Variants in SYNE3 observed in about 807,000 individuals in gnomAD.
The protein encoded by SYNE3 is nesprin-3.
SYNE3 carries 100 observed loss-of-function variants against 111.2 expected under a neutral mutation model. That is an observed-to-expected ratio of 0.90 (90% CI 0.77 to 1.06). The LOEUF (loss-of-function observed/expected upper bound fraction) is 1.06. SYNE3 is among the 50% of genes least tolerant of loss of function. The pLI is 0.00. For synonymous variants in SYNE3, 547 were observed against 533.9 expected (o/e 1.02, Z -0.34); for missense variants, 1,160 against 1,240.3 (o/e 0.94, Z 0.97).
chr14:95,439,032 C>T lies in SYNE3; in HGVS notation c.2376+1G>A, dbSNP rs925944304. Reference sequence around the variant, plus strand: ...CCCACAGCCCTGCTAGACAGACTCACGCGTCGACGATGCCTGGGAATAGGA... The same window carrying T: ...CCCACAGCCCTGCTAGACAGACTCATGCGTCGACGATGCCTGGGAATAGGA... On this transcript the variant is annotated splice_donor_variant, in intron 14 of 17. Transcript: ENST00000682763. LOFTEE classifies it high-confidence loss of function. 18 of 1,613,910 alleles carry T rather than the reference C, an allele frequency of 1.1e-5. No homozygotes were observed. Among genetic ancestry groups the T allele is most frequent in the African/African-American group, 2.7e-5 (2 of 74,946 alleles).
At chr14:95,427,902 T>G (rs1421480496) in intron 17 of SYNE3, among the ~76,000 whole-genome samples, 1 of 152,192 alleles carries the variant, frequency 6.6e-6, no homozygotes, top group Non-Finnish European at 1.5e-5. Flanking sequence ...TCCCTACAAA[T>G]TTTGAGAGAA....
chr14:95,473,286 G>A (rs1409862413), intron 2 of SYNE3, among the ~76,000 whole-genome samples: 1 of 152,012 alleles, frequency 6.6e-6, no homozygotes, highest in African/African-American at 2.4e-5. Flanking sequence ...CTGCCAATGT[G>A]TCTTCCTAAG....
At chr14:95,431,927 C>T (rs993531813) in intron 17 of SYNE3, 152 bp downstream of exon 17, 6 of 895,400 alleles carry the variant, frequency 6.7e-6, no homozygotes, top group Non-Finnish European at 8.3e-6. Flanking sequence ...GGGCCCAGCA[C>T]AGCGCAGCCC....
intron 5 of SYNE3, 27 bp downstream of exon 5, chr14:95,457,150 T>G (rs1887502108): frequency 1.2e-6 from 2 of 1,606,888 alleles, no homozygotes; most frequent in Non-Finnish European, 1.7e-6. Flanking sequence ...CTAGGGTCCC[T>G]CTGGTTGAGA....
chr14:95,465,644 C>A (rs1302230165), intron 4 of SYNE3, among the ~76,000 whole-genome samples: 5 of 151,658 alleles, frequency 3.3e-5, no homozygotes, highest in African/African-American at 1.2e-4. Flanking sequence ...TGGGAGAATA[C>A]ATGGATGAAC....
intron 4 of SYNE3, among the ~76,000 whole-genome samples, chr14:95,461,762 G>A (rs1457161721): frequency 6.6e-6 from 1 of 152,258 alleles, no homozygotes; most frequent in Non-Finnish European, 1.5e-5. Flanking sequence ...AACCATCGCT[G>A]GAGTCAGACG....
intron 1 of SYNE3, among the ~76,000 whole-genome samples, chr14:95,495,232 A>G (rs1890038288): frequency 6.6e-6 from 1 of 152,250 alleles, no homozygotes; most frequent in Non-Finnish European, 1.5e-5. Context: ...AGCAGCCTCC[A>G]TTCCTTCCAA....
intron 17 of SYNE3, among the ~76,000 whole-genome samples, chr14:95,428,518 C>A (rs1299285285): frequency 6.6e-6 from 1 of 152,176 alleles, no homozygotes; most frequent in Admixed American, 6.5e-5. Context: ...ATTCCAAGAG[C>A]CCACATATGA....
intron 1 of SYNE3, among the ~76,000 whole-genome samples, chr14:95,506,436 C>T (rs192027831): frequency 2.6e-4 from 39 of 152,364 alleles, no homozygotes; most frequent in Admixed American, 2.2e-3. Flanking sequence ...TCTGTGCACA[C>T]GGGCGCAGGC....
rs1888483785 is a variant in SYNE3, at chr14:95,470,819, ATGG to A, written c.145-2855_145-2853del. ...CTGAAAATACAAAAATTAGCCGGGC[ATGG>A]TGGCGCACACCTGTGATCCTAGCTA... On this transcript the variant is annotated intron_variant, in intron 2 of 17. Coordinates refer to ENST00000682763, the MANE Select transcript of SYNE3 (RefSeq NM_152592.6). This position sits in a 1 kb window ranked among gnomAD's most constrained non-coding sequence, Gnocchi z 4.2. Among the ~76,000 whole-genome samples the A allele has an allele frequency of 6.6e-6, 1 of 151,998 alleles. No homozygotes were observed. Among genetic ancestry groups the A allele is most frequent in the South Asian group, 2.1e-4 (1 of 4,820 alleles).
At chr14:95,507,085 C>A (rs1890556011) in intron 1 of SYNE3, among the ~76,000 whole-genome samples, 1 of 152,224 alleles carries the variant, frequency 6.6e-6, no homozygotes, top group Non-Finnish European at 1.5e-5. Flanking sequence ...TGCACCCCCA[C>A]CTTACAGCAA....
intron 1 of SYNE3, among the ~76,000 whole-genome samples, chr14:95,491,374 T>C (rs1317870510): frequency 6.6e-6 from 1 of 152,144 alleles, no homozygotes. Context: ...CTGAGAAGGA[T>C]CATTCTATTT....
At chr14:95,443,547 C>T in intron 10 of SYNE3, 1 of 412,676 alleles carries the variant, frequency 2.4e-6, no homozygotes, top group Non-Finnish European at 4.3e-6. Flanking sequence ...AGACAGATGG[C>T]ATCTCTGGGG....
chr14:95,473,024 G>A (rs1287499663), intron 2 of SYNE3, among the ~76,000 whole-genome samples: 1 of 152,212 alleles, frequency 6.6e-6, no homozygotes, highest in African/African-American at 2.4e-5. Context: ...GCACCCGGGG[G>A]CAGGTCCCAT....
intron 1 of SYNE3, among the ~76,000 whole-genome samples, chr14:95,481,129 T>C (rs1889223773): frequency 6.6e-6 from 1 of 152,198 alleles, no homozygotes; most frequent in Non-Finnish European, 1.5e-5. Flanking sequence ...CAACCCTAGA[T>C]AAGAATGCGC....
chr14:95,493,206 C>CT, intron 1 of SYNE3, among the ~76,000 whole-genome samples: 1 of 152,262 alleles, frequency 6.6e-6, no homozygotes, highest in South Asian at 2.1e-4. Context: ...TGCTTGAGAC[C>CT]TTTTTTTCCA....
At chr14:95,460,834 C>A (rs1000835073) in intron 4 of SYNE3, among the ~76,000 whole-genome samples, 1 of 152,244 alleles carries the variant, frequency 6.6e-6, no homozygotes, top group African/African-American at 2.4e-5. Flanking sequence ...TGCTGGGCCC[C>A]TGGCCGCGCT....
chr14:95,475,723 C>A lies in SYNE3; in HGVS notation c.99G>T (p.Thr33=), dbSNP rs146245189. The A allele has an allele frequency of 2.5e-6, 4 of 1,604,804 alleles. No homozygotes were observed. In the East Asian group the frequency reaches 9.0e-5, roughly 36 times the overall value. Residue 33 remains threonine, a synonymous_variant, in exon 2 of 18, where the codon ACG becomes ACT. Coordinates refer to ENST00000682763, the MANE Select transcript of SYNE3 (RefSeq NM_152592.6). ...VQDQLQVNDN[T]QGPRAALEAR... is the part of the protein sequence containing the mutation. ...CCTCCAGGGCCGCGCGGGGTCCCTG[C>A]GTGTTGTCATTGACCTGCAGCTGGT...
intron 1 of SYNE3, among the ~76,000 whole-genome samples, chr14:95,498,866 G>A (rs796582668): frequency 2.2e-4 from 33 of 152,286 alleles, no homozygotes; most frequent in African/African-American, 7.7e-4. Flanking sequence ...ATGGCAGCAG[G>A]ACAAGGCGGA....
Sources: allele counts gnomAD v4.1 joint callset (sites outside exome capture counted in the v4.1 genomes callset), GRCh38; gene constraint gnomAD v4.1.1; non-coding constraint Gnocchi (gnomAD v3.1); transcripts MANE v1.5; gene names NCBI Gene and HGNC (gene_info 2026-07-23, HGNC 2026-07-21).